Variants in DAB1 observed in about 807,000 individuals in gnomAD.
DAB1 encodes disabled homolog 1.
A neutral mutation model predicts 64.6 loss-of-function variants in DAB1; 15 were observed. That is an observed-to-expected ratio of 0.23 (90% CI 0.16 to 0.36). DAB1 has a LOEUF of 0.36. DAB1 is among the 10% of genes least tolerant of loss of function. The probability of loss-of-function intolerance (pLI) is 1.00; values close to 1 mark genes in which losing one functional copy is unlikely to be tolerated. For missense variants in DAB1, 596 were observed against 706.7 expected (o/e 0.84, Z 1.78); for synonymous variants, 235 against 251.9 (o/e 0.93, Z 0.64).
chr1:58,121,008 CTT>C (rs1439275688), intron 5 of DAB1, among the ~76,000 whole-genome samples: 25 of 152,118 alleles, frequency 1.6e-4, no homozygotes, highest in Non-Finnish European at 3.1e-4. Flanking sequence ...TCATTAGGGA[CTT>C]TGAAAAACAT....
Position 58,524,490 on chromosome 1 carries a change from T to C in DAB1, n.107+2771A>G, listed in dbSNP as rs75838338. Among the ~76,000 whole-genome samples the C allele has an allele frequency of 8.3e-3, 1,260 of 152,340 alleles. 15 individuals are homozygous for C. Among genetic ancestry groups the C allele is most frequent in the African/African-American group, 0.028 (1,177 of 41,574 alleles). On this transcript the variant is annotated intron_variant and non_coding_transcript_variant, in intron 2 of 20. Transcript: ENST00000485760. ...ATTAGAGTCTATAGATAGGCCTTTC[T>C]TATGGCAATCCTGCACCCACATAAA...
chr1:58,105,578 T>G (rs1651584750), intron 5 of DAB1, among the ~76,000 whole-genome samples: 1 of 152,192 alleles, frequency 6.6e-6, no homozygotes. Flanking sequence ...AAAACATCTC[T>G]GTACTTCAGG....
At position 57,995,544 on chromosome 1, in the gene DAB1, T is replaced by A. The variant is rs1002132189; in HGVS notation, n.388-111382A>T. ...CTATTTATTCAATAATAAATGCCAG[T>A]TGGTTATTAATAAAATATTGCTGTC... is the stretch of plus-strand genomic sequence containing the variant. On this transcript the variant is annotated intron_variant and non_coding_transcript_variant, in intron 5 of 20. Transcript: ENST00000485760. 1.3e-5 allele frequency among the ~76,000 whole-genome samples: 2 copies of A among 152,218 alleles called. 1 individual carries two copies. Among genetic ancestry groups the A allele is most frequent in the African/African-American group, 4.8e-5 (2 of 41,452 alleles).
intron 5 of DAB1, among the ~76,000 whole-genome samples, chr1:58,000,086 T>G (rs1222090478): frequency 2.0e-5 from 3 of 151,652 alleles, no homozygotes; most frequent in Non-Finnish European, 2.9e-5. Context: ...AATGGCTGAT[T>G]TGGAAACAGT....
upstream of DAB1, among the ~76,000 whole-genome samples, chr1:57,888,147 T>G (rs896906933): frequency 2.0e-4 from 30 of 152,148 alleles, no homozygotes; most frequent in African/African-American, 6.5e-4. Context: ...TTTGAAATGT[T>G]TTCTTTGAGG....
intron 1 of DAB1, among the ~76,000 whole-genome samples, chr1:57,367,309 T>G (rs2100922378): frequency 6.6e-6 from 1 of 151,922 alleles, no homozygotes; most frequent in Non-Finnish European, 1.5e-5. Flanking sequence ...AAAATGGTAC[T>G]CTGAAAAAAG....
intron 7 of DAB1, among the ~76,000 whole-genome samples, chr1:57,563,435 A>G (rs1465850632): frequency 2.0e-5 from 3 of 151,782 alleles, no homozygotes; most frequent in Non-Finnish European, 2.9e-5. Context: ...CTTGTCAGAC[A>G]GTGGGTGCAG....
At chr1:58,263,196 G>A (rs1405404343) in intron 4 of DAB1, among the ~76,000 whole-genome samples, 1 of 152,182 alleles carries the variant, frequency 6.6e-6, no homozygotes. Context: ...CTTTTTGGGA[G>A]CTGTAAAAAG....
At chr1:58,463,621 T>C (rs1387762710) in intron 3 of DAB1, among the ~76,000 whole-genome samples, 2 of 152,186 alleles carry the variant, frequency 1.3e-5, no homozygotes, top group Non-Finnish European at 2.9e-5. Flanking sequence ...TGAGAGTCTG[T>C]GTGTACATGT....
chr1:57,980,020 T>C (rs1045654077), intron 5 of DAB1, among the ~76,000 whole-genome samples: 3 of 152,216 alleles, frequency 2.0e-5, no homozygotes, highest in African/African-American at 7.2e-5. Context: ...TCTTGGTCTC[T>C]AGATTTCTAT....
intron 4 of DAB1, among the ~76,000 whole-genome samples, chr1:58,231,770 T>C (rs556834361): frequency 1.3e-5 from 2 of 152,314 alleles, no homozygotes; most frequent in African/African-American, 2.4e-5. Flanking sequence ...GGGTTCTTGA[T>C]TGGAACATAA....
chr1:57,086,230 T>C (rs1653059839), intron 4 of DAB1, among the ~76,000 whole-genome samples: 2 of 152,130 alleles, frequency 1.3e-5, no homozygotes, highest in African/African-American at 4.8e-5. Context: ...AGAGTCCTTC[T>C]TCAGGTTCGA....
intron 3 of DAB1, among the ~76,000 whole-genome samples, chr1:58,382,976 G>A (rs912374433): frequency 2.0e-5 from 3 of 152,172 alleles, no homozygotes; most frequent in Non-Finnish European, 4.4e-5. Context: ...TGGTGCATCT[G>A]TTGTAAGACT....
rs1360215801 is a variant in DAB1 at position 58,074,543 on chromosome 1, T to TATATAC, written n.387+75967_387+75968insGTATAT. On this transcript the variant is annotated intron_variant and non_coding_transcript_variant, in intron 5 of 20. Coordinates refer to the DAB1 transcript ENST00000485760. ...ATATACATATATATATATATATATATACACACATATATATATGTGTGTATA... is the reference window on the plus strand; with the variant it reads ...ATATACATATATATATATATATATATATATACACACACATATATATATGTGTGTATA... 7.0e-3 allele frequency: 670 copies of TATATAC among 95,822 alleles called. 8 individuals are homozygous for TATATAC. The highest frequency in any genetic ancestry group is 0.026 in the African/African-American group (633 of 23,956). 5.9% of individuals were successfully genotyped at this position (95,822 alleles called of 1,614,324 possible). A position where few individuals can be genotyped will look rare whatever the true frequency, so the allele number is the denominator to read the frequency against.
chr1:58,312,817 T>C (rs1662459956), intron 4 of DAB1, among the ~76,000 whole-genome samples: 1 of 152,182 alleles, frequency 6.6e-6, no homozygotes, highest in Admixed American at 6.5e-5. Flanking sequence ...TTACTTGACC[T>C]ACCTGTTCTT....
At chr1:57,705,763 T>C (rs1232887798) in intron 6 of DAB1, among the ~76,000 whole-genome samples, 1 of 152,118 alleles carries the variant, frequency 6.6e-6, no homozygotes, top group Non-Finnish European at 1.5e-5. Context: ...ATTTGCTTAT[T>C]ACGTCTCTCT....
At chr1:57,526,710 ACTT>A (rs1196899694) in intron 7 of DAB1, among the ~76,000 whole-genome samples, 3 of 152,178 alleles carry the variant, frequency 2.0e-5, no homozygotes, top group African/African-American at 4.8e-5. Flanking sequence ...ACAGAGCTTG[ACTT>A]CTTCTGTGAT....
intron 3 of DAB1, among the ~76,000 whole-genome samples, chr1:58,465,953 G>C (rs1248801027): frequency 2.6e-5 from 4 of 152,140 alleles, no homozygotes; most frequent in African/African-American, 9.7e-5. Flanking sequence ...AGATCCCAGG[G>C]ACAGGGGCTG....
At chr1:58,518,000 A>G (rs918106758) in intron 2 of DAB1, among the ~76,000 whole-genome samples, 7 of 151,338 alleles carry the variant, frequency 4.6e-5, no homozygotes, top group Non-Finnish European at 8.8e-5. Context: ...CAGCCTGCCC[A>G]ACATGGAGAA....
Sources: gnomAD v4.1 joint callset for allele counts (sites outside exome capture counted in the v4.1 genomes callset) on GRCh38, gnomAD v4.1.1 for gene constraint, MANE v1.5 for transcripts, NCBI Gene and HGNC (gene_info 2026-07-23, HGNC 2026-07-21) for gene names.